The following CYGB variants were observed in gnomAD, a reference collection of about 807,000 sequenced individuals.
CYGB encodes the protein cytoglobin, also known as histoglobin.
Under a neutral mutation model 20.7 loss-of-function variants are expected in CYGB, and 13 were observed. The ratio of observed to expected loss-of-function variants is 0.63; its 90% CI spans 0.41 to 1.00. The LOEUF (loss-of-function observed/expected upper bound fraction) is 1.00. Among genes scored for constraint, CYGB ranks in the 50% least tolerant of loss-of-function variants. The pLI is 0.00. For synonymous variants in CYGB, 93 were observed against 107.4 expected, an observed-to-expected ratio of 0.87 and a Z score of 0.83; for missense variants, 218 against 257.2, an observed-to-expected ratio of 0.85 and a Z score of 1.04.
At chr17:76,529,720 G>A in intron 3 of CYGB, 2 of 985,382 alleles carry the variant, frequency 2.0e-6, no homozygotes, top group Non-Finnish European at 2.4e-6. Context: ...GACAGCTGGT[G>A]GGGGGTGAGG....
chr17:76,528,955 C>T lies in CYGB; in HGVS notation c.540-344G>A. The T allele has an allele frequency of 3.7e-6, 4 of 1,073,262 alleles. No individual in the cohort carries two copies. Among genetic ancestry groups the T allele is most frequent in the Non-Finnish European group, 4.5e-6 (4 of 887,612 alleles). 66.5% of individuals were successfully genotyped at this position (1,073,262 alleles called of 1,614,324 possible). A position where few individuals can be genotyped will look rare whatever the true frequency, so the allele number is the denominator to read the frequency against. On this transcript the variant is annotated intron_variant, in intron 3 of 3. Transcript: ENST00000293230. This position sits in a 1 kb window ranked among gnomAD's most constrained non-coding sequence, Gnocchi z 5.8. ...TTTCCATTAATTCTGAAACGTGGCG[C>T]ATTCTGTCCGGCCTGTCTCGTCCCT...
intron 1 of CYGB, among the ~76,000 whole-genome samples, chr17:76,534,021 G>A (rs1264491528): frequency 1.3e-5 from 2 of 152,200 alleles, no homozygotes; most frequent in Non-Finnish European, 1.5e-5. Context: ...TTGGGTGACA[G>A]AGCAAGACCC....
chr17:76,537,118 C>T (rs1479335309), intron 1 of CYGB, among the ~76,000 whole-genome samples: 1 of 152,156 alleles, frequency 6.6e-6, no homozygotes, highest in East Asian at 1.9e-4. Context: ...GGGTGGCTGG[C>T]CGAGCAAGGA....
upstream of CYGB, chr17:76,538,404 G>T: frequency 2.4e-6 from 1 of 420,320 alleles, no homozygotes. Flanking sequence ...GGGCGCCAGA[G>T]GCCTGCGCCC....
chr17:76,544,399 C>A (rs776196684), intron 1 of CYGB: 1 of 454,884 alleles, frequency 2.2e-6, no homozygotes, highest in Admixed American at 2.3e-5. Flanking sequence ...CAGAGGGAAC[C>A]GCTGGGGAGG....
rs1161961137 is a variant in CYGB at position 76,537,486 on chromosome 17, C to G, written c.57G>C (p.Leu19=). 1 of 1,589,712 alleles carries G rather than the reference C, an allele frequency of 6.3e-7. No homozygotes were observed. The highest frequency in any genetic ancestry group is 1.7e-5 in the Admixed American group (1 of 58,188). ...EIERRERSEE[L]SEAERKAVQA... is the part of the protein sequence containing the mutation. ...GCACCGCCTTCCTCTCCGCCTCGGACAGCTCCTCGCTCCGCTCCCTGCGCT... is the reference window on the plus strand; with the variant it reads ...GCACCGCCTTCCTCTCCGCCTCGGAGAGCTCCTCGCTCCGCTCCCTGCGCT... The change falls in exon 1 of 4, where the codon CTG becomes CTC. Residue 19 remains leucine (L), a synonymous_variant. Coordinates refer to ENST00000293230, the MANE Select transcript of CYGB (RefSeq NM_134268.5).
Position 76,537,701 on chromosome 17 carries a change from T to A in CYGB, c.-159A>T, listed in dbSNP as rs909257490. The A allele has an allele frequency of 1.5e-5, 5 of 329,708 alleles. No individual in the cohort carries two copies. The highest frequency in any genetic ancestry group is 1.3e-4 in the African/African-American group (5 of 38,846). The allele number at this position is 329,708 out of a possible 1,614,324, so 20.4% of individuals were successfully genotyped here. ...GGAGCGTGTGTCTGTGCGCGCCGGGTGTGTGTGTGTGTGTGCGTGCGTGTG... is the reference window on the plus strand; with the variant it reads ...GGAGCGTGTGTCTGTGCGCGCCGGGAGTGTGTGTGTGTGTGCGTGCGTGTG... On this transcript the variant is annotated 5_prime_UTR_variant, in exon 1 of 4. Coordinates refer to ENST00000293230, the MANE Select transcript of CYGB (RefSeq NM_134268.5).
intron 1 of CYGB, among the ~76,000 whole-genome samples, chr17:76,548,321 C>T (rs1271657126): frequency 6.6e-6 from 1 of 152,236 alleles, no homozygotes; most frequent in Non-Finnish European, 1.5e-5. Context: ...CACACAGTAT[C>T]ATATGCAGAG....
At chr17:76,542,285 A>G (rs796845140), upstream of CYGB, among the ~76,000 whole-genome samples, 25 of 152,304 alleles carry the variant, frequency 1.6e-4, no homozygotes, top group African/African-American at 5.5e-4. Flanking sequence ...GCAGTTGCCT[A>G]TTAACTCCTT....
rs1031157307 is a variant in CYGB at position 76,546,288 on chromosome 17, G to A, written c.-53+4574C>T. 13 of 152,192 alleles carry A rather than the reference G, an allele frequency of 8.5e-5. No individual in the cohort carries two copies. The highest frequency in any genetic ancestry group is 3.1e-4 in the African/African-American group (13 of 41,408). 9.4% of individuals were successfully genotyped at this position (152,192 alleles called of 1,614,324 possible). A position where few individuals can be genotyped will look rare whatever the true frequency, so the allele number is the denominator to read the frequency against. The stretch of plus-strand genomic sequence containing the variant: ...TCAGAGCGGCTGCCAGTCTCTCCTG[G>A]AGACTGGAGCATGACCAGGGAACTA... On this transcript the variant is annotated intron_variant, in intron 1 of 3. Coordinates refer to the CYGB transcript ENST00000589145. The surrounding 1 kb of genome is among the most constrained non-coding windows in gnomAD (Gnocchi z 4.5).
In CYGB at chr17:76,533,016, C is replaced by G. The variant is rs1166284343; in HGVS notation, c.144-1325G>C. Among the ~76,000 whole-genome samples, 1 of 152,224 alleles carries G rather than the reference C, an allele frequency of 6.6e-6. No individual in the cohort carries two copies. The highest frequency in any genetic ancestry group is 1.9e-4 in the East Asian group (1 of 5,200). On this transcript the variant is annotated intron_variant, in intron 1 of 3. Transcript: ENST00000293230. The surrounding 1 kb of genome is among the most constrained non-coding windows in gnomAD (Gnocchi z 4.5). ...GTGTCCCCTTTGCGATCAGAGAGAG[C>G]TGATAATTTGCGGAAGTAGCCCTTT...
intron 1 of CYGB, chr17:76,544,951 C>CAGAGGAAGGGCGGGAAAAAG (rs1322150853): frequency 6.6e-6 from 3 of 456,550 alleles, no homozygotes; most frequent in African/African-American, 6.0e-5. Flanking sequence ...GGGATCCATC[C>CAGAGGAAGGGCGGGAAAAAG]AGAGGAAGGG....
chr17:76,542,761 A>C (rs927604812), intron 1 of CYGB: 1 of 694,170 alleles, frequency 1.4e-6, no homozygotes, highest in Non-Finnish European at 2.6e-6. Flanking sequence ...ATGGAGGTTC[A>C]AAGTAGGCGG....
At chr17:76,542,643 G>A, upstream of CYGB, 1 of 1,585,926 alleles carries the variant, frequency 6.3e-7, no homozygotes, top group Non-Finnish European at 8.7e-7. Context: ...GGTAGGGCAG[G>A]GCTGGGAGCC....
rs1277029966 is a variant in CYGB, at chr17:76,530,896, G to A, written c.539+83C>T. ...GCCTGCCCAGGTGATCAGCCCCAGG[G>A]CCTCAGGAGATATGGGAGACCTCGG... is the stretch of plus-strand genomic sequence containing the variant. On this transcript the variant is annotated intron_variant, in intron 3 of 3. Coordinates refer to ENST00000293230, the MANE Select transcript of CYGB (RefSeq NM_134268.5). This position sits in a 1 kb window ranked among gnomAD's most constrained non-coding sequence, Gnocchi z 6.1. 3.5e-6 allele frequency: 5 copies of A among 1,438,770 alleles called. No homozygotes were observed. The highest frequency in any genetic ancestry group is 4.6e-6 in the Non-Finnish European group (5 of 1,076,772). The allele number at this position is 1,438,770 out of a possible 1,614,324, so 89.1% of individuals were successfully genotyped here.
upstream of CYGB, chr17:76,540,669 GT>G: frequency 4.0e-6 from 5 of 1,244,766 alleles, no homozygotes; most frequent in African/African-American, 1.5e-5. The surrounding 1 kb of genome is among the most constrained non-coding windows in gnomAD (Gnocchi z 5.0). Context: ...GTGCGCGCCT[GT>G]GCGTGCACCG....
At chr17:76,542,775 G>A (rs888124057) in intron 1 of CYGB, 1 of 674,928 alleles carries the variant, frequency 1.5e-6, no homozygotes, top group Admixed American at 2.1e-5. Flanking sequence ...TAGGCGGATG[G>A]ACTCATGCCT....
At position 76,530,787 on chromosome 17, in the gene CYGB, A is replaced by G. The variant is rs932354196; in HGVS notation, c.539+192T>C. ...GGGCTCATGGCTCTGAGCAGCCTGA[A>G]GTCACAGGGGAGCCATCTTGAAGGC... is the stretch of plus-strand genomic sequence containing the variant. On this transcript the variant is annotated intron_variant, in intron 3 of 3. Coordinates refer to ENST00000293230, the MANE Select transcript of CYGB (RefSeq NM_134268.5). This position sits in a 1 kb window ranked among gnomAD's most constrained non-coding sequence, Gnocchi z 6.1. 2.0e-5 allele frequency among the ~76,000 whole-genome samples: 3 copies of G among 152,078 alleles called. No individual in the cohort carries two copies. The highest frequency in any genetic ancestry group is 2.9e-5 in the Non-Finnish European group (2 of 67,990).
chr17:76,544,147 T>G (rs1037754603), intron 1 of CYGB: 1 of 454,478 alleles, frequency 2.2e-6, no homozygotes, highest in African/African-American at 2.0e-5. Flanking sequence ...GAGCAGACCC[T>G]GCAGGCAGCT....
Sources: gnomAD v4.1 joint callset for allele counts (sites outside exome capture counted in the v4.1 genomes callset) on GRCh38, gnomAD v4.1.1 for gene constraint, Gnocchi (gnomAD v3.1) non-coding constraint, MANE v1.5 for transcripts, NCBI Gene and HGNC (gene_info 2026-07-23, HGNC 2026-07-21) for gene names.